Variants in NEBL observed in about 807,000 individuals in gnomAD.
NEBL encodes the protein LIM and SH3 protein 2.
A neutral mutation model predicts 140.2 loss-of-function variants in NEBL; 122 were observed. The observed-to-expected ratio is 0.87, with a 90% CI of 0.75 to 1.01. NEBL has a LOEUF of 1.01. Ranked by LOEUF, NEBL falls within the 50% of genes least tolerant of loss-of-function variation. NEBL has a pLI of 0.00. For synonymous variants in NEBL, 436 were observed against 398.9 expected (o/e 1.09, Z -1.11); for missense variants, 1,365 against 1,231.3 (o/e 1.11, Z -1.62).
chr10:20,892,528 TAG>T (rs1847115050), intron 2 of NEBL, among the ~76,000 whole-genome samples: 1 of 152,200 alleles, frequency 6.6e-6, no homozygotes, highest in Non-Finnish European at 1.5e-5. Context: ...GCCATTGTGT[TAG>T]AGTTTTCCTG....
intron 4 of NEBL, among the ~76,000 whole-genome samples, chr10:20,924,151 C>T (rs541076997): frequency 6.6e-6 from 1 of 152,118 alleles, no homozygotes; most frequent in East Asian, 1.9e-4. Flanking sequence ...AGACATTCAG[C>T]AATATCTAAA....
At chr10:20,984,281 A>G (rs922489393) in intron 3 of NEBL, among the ~76,000 whole-genome samples, 1 of 152,234 alleles carries the variant, frequency 6.6e-6, no homozygotes, top group Non-Finnish European at 1.5e-5. Context: ...TCTCAACTTA[A>G]TAACAAAATT....
intron 26 of NEBL, among the ~76,000 whole-genome samples, chr10:20,788,401 A>G (rs1211542650): frequency 6.6e-6 from 1 of 152,192 alleles, no homozygotes; most frequent in African/African-American, 2.4e-5. Flanking sequence ...AATAAAAGAA[A>G]TAAGATTTAA....
At chr10:20,810,654 T>C (rs1564344044) in intron 24 of NEBL, among the ~76,000 whole-genome samples, 2 of 152,242 alleles carry the variant, frequency 1.3e-5, no homozygotes, top group African/African-American at 4.8e-5. Flanking sequence ...TAATAACTTC[T>C]GAATTCACCA....
chr10:21,154,375 C>G (rs368288014), intron 2 of NEBL, among the ~76,000 whole-genome samples: 30 of 150,308 alleles, frequency 2.0e-4, no homozygotes, highest in Middle Eastern at 3.4e-3. Context: ...AGGAGAATCA[C>G]TTGAACCTGG....
chr10:20,932,653 T>C (rs973023695), intron 4 of NEBL, among the ~76,000 whole-genome samples: 1 of 152,212 alleles, frequency 6.6e-6, no homozygotes, highest in Non-Finnish European at 1.5e-5. Context: ...CATTCTAAAA[T>C]AGCATTTTCT....
intron 4 of NEBL, among the ~76,000 whole-genome samples, chr10:20,949,299 G>A (rs909872376): frequency 6.6e-6 from 1 of 152,088 alleles, no homozygotes; most frequent in African/African-American, 2.4e-5. Context: ...CCTGTTGGGG[G>A]ATGGGGGAAA....
At chr10:20,873,197 A>G (rs1845153677) in intron 5 of NEBL, among the ~76,000 whole-genome samples, 1 of 152,162 alleles carries the variant, frequency 6.6e-6, no homozygotes, top group Admixed American at 6.5e-5. Context: ...TTGGAGTTCA[A>G]AGTGTGTGTA....
At chr10:20,937,307 C>T (rs1834543910) in intron 4 of NEBL, among the ~76,000 whole-genome samples, 1 of 152,168 alleles carries the variant, frequency 6.6e-6, no homozygotes, top group African/African-American at 2.4e-5. Flanking sequence ...ACGCAAAGGG[C>T]TTTTCCATCA....
intron 26 of NEBL, among the ~76,000 whole-genome samples, chr10:20,801,360 C>T (rs1402102241): frequency 6.6e-6 from 1 of 151,834 alleles, no homozygotes; most frequent in Non-Finnish European, 1.5e-5. Context: ...TTACAACCAG[C>T]TAATTTTTGT....
At chr10:21,241,262 A>G (rs1842435475) in intron 3 of NEBL, among the ~76,000 whole-genome samples, 1 of 150,470 alleles carries the variant, frequency 6.6e-6, no homozygotes, top group Non-Finnish European at 1.5e-5. Flanking sequence ...ATAAATAAAT[A>G]AATAAATAAA....
At chr10:20,931,284 G>A (rs4747426) in intron 4 of NEBL, among the ~76,000 whole-genome samples, 96,973 of 151,506 alleles carry the variant, frequency 0.64, 31,280 homozygotes, top group Non-Finnish European at 0.67. Context: ...AAAAATCTTT[G>A]GCACATCTTT....
chr10:21,142,170 G>C (rs538114876), intron 2 of NEBL, among the ~76,000 whole-genome samples: 15 of 152,180 alleles, frequency 9.9e-5, no homozygotes, highest in Non-Finnish European at 1.8e-4. Context: ...ACTCTTGGTG[G>C]TATTCCTAAT....
Position 21,093,723 on chromosome 10 carries a change from C to T in NEBL, c.165-73522G>A, listed in dbSNP as rs113238784. 4.4e-3 allele frequency among the ~76,000 whole-genome samples: 665 copies of T among 152,352 alleles called. 5 individuals are homozygous for T. The highest frequency in any genetic ancestry group is 0.015 in the African/African-American group (609 of 41,586). ...TCTGTCTTGTTCAGGTATATCTAAG[C>T]TCATCCACTGGAAGAGGAGAACAAT... On this transcript the variant is annotated intron_variant, in intron 2 of 6. Coordinates refer to the NEBL transcript ENST00000417816.
At chr10:20,995,800 G>C (rs1837643972) in intron 3 of NEBL, among the ~76,000 whole-genome samples, 2 of 152,000 alleles carry the variant, frequency 1.3e-5, no homozygotes, top group African/African-American at 4.8e-5. Context: ...GATGCTGCTC[G>C]GCTTGAAAAT....
chr10:20,888,798 G>A (rs181349814), intron 3 of NEBL, among the ~76,000 whole-genome samples: 38 of 152,298 alleles, frequency 2.5e-4, no homozygotes, highest in Non-Finnish European at 4.4e-4. Flanking sequence ...ATTTTGCTCT[G>A]CAATTAACTC....
chr10:20,817,716 T>C (rs903751738), intron 20 of NEBL, 24 bp from the exon 21 acceptor site: 1 of 1,543,494 alleles, frequency 6.5e-7, no homozygotes, highest in Non-Finnish European at 9.0e-7. Context: ...ATAAGAACTT[T>C]AACAGATAGC....
intron 9 of NEBL, 141 bp from the exon 10 acceptor site, chr10:20,852,790 G>A (rs898018885): frequency 1.3e-6 from 1 of 748,456 alleles, no homozygotes; most frequent in Non-Finnish European, 2.3e-6. Flanking sequence ...TTGGCTGGCA[G>A]GTAGGAGGTT....
In NEBL at chr10:20,819,658, T is replaced by A. The variant is rs1447102793; in HGVS notation, c.1963-142A>T. On this transcript the variant is annotated intron_variant, in intron 19 of 27. Coordinates refer to ENST00000377122, the MANE Select transcript of NEBL (RefSeq NM_006393.3). ...CATCAGGATTTCATAGTGAAATATGTATTGCTTATAGATTTTATCTTCTTG... is the reference window on the plus strand; with the variant it reads ...CATCAGGATTTCATAGTGAAATATGAATTGCTTATAGATTTTATCTTCTTG... 11 of 1,034,538 alleles carry A rather than the reference T, an allele frequency of 1.1e-5. No individual in the cohort carries two copies. In the Admixed American group the frequency reaches 2.3e-4, roughly 21 times the overall value. The allele number at this position is 1,034,538 out of a possible 1,614,324, so 64.1% of individuals were successfully genotyped here. A position where few individuals can be genotyped will look rare whatever the true frequency, so the allele number is the denominator to read the frequency against.
Sources: gnomAD v4.1 joint callset for allele counts (sites outside exome capture counted in the v4.1 genomes callset) on GRCh38, gnomAD v4.1.1 for gene constraint, MANE v1.5 for transcripts, NCBI Gene and HGNC (gene_info 2026-07-23, HGNC 2026-07-21) for gene names.